VPS13C: variants seen among roughly 807,000 people sequenced by gnomAD.
VPS13C encodes vacuolar protein sorting 13 homolog C, also known as intermembrane lipid transfer protein VPS13C.
In VPS13C, 358 loss-of-function variants were observed where a neutral mutation model predicts 456.8. That is an observed-to-expected ratio of 0.78 (90% CI 0.72 to 0.86). The LOEUF is 0.86. Among genes scored for constraint, VPS13C ranks in the 40% least tolerant of loss-of-function variants. The pLI is 0.00. For synonymous variants in VPS13C, 1,578 were observed against 1,486.7 expected (o/e 1.06, Z -1.41); for missense variants, 4,818 against 4,385.4 (o/e 1.10, Z -2.79).
At chr15:62,056,157 G>A (rs1381305121) in intron 1 of VPS13C, among the ~76,000 whole-genome samples, 1 of 152,126 alleles carries the variant, frequency 6.6e-6, no homozygotes, top group Non-Finnish European at 1.5e-5. Context: ...TGAGGTGGGC[G>A]GCAAGCCACC....
At chr15:61,866,701 C>T (rs561080740) in intron 81 of VPS13C, 5 of 985,136 alleles carry the variant, frequency 5.1e-6, no homozygotes, top group Non-Finnish European at 4.8e-6. Flanking sequence ...ATACTTGGTC[C>T]CTTAAGGACA....
intron 65 of VPS13C, among the ~76,000 whole-genome samples, 154 bp from the exon 66 acceptor site, chr15:61,907,544 T>G (rs1432254795): frequency 6.6e-6 from 1 of 152,148 alleles, no homozygotes; most frequent in Non-Finnish European, 1.5e-5. Context: ...CCCTAAAATA[T>G]CTAATAAACT....
chr15:61,917,739 C>A (rs2043519253), intron 59 of VPS13C, 104 bp from the exon 60 acceptor site: 15 of 1,283,356 alleles, frequency 1.2e-5, no homozygotes, highest in Non-Finnish European at 1.6e-5. Flanking sequence ...TGCTATTATT[C>A]CTGTTTTTAC....
chr15:61,948,382 T>C (rs975406784), intron 42 of VPS13C, among the ~76,000 whole-genome samples: 8 of 151,974 alleles, frequency 5.3e-5, no homozygotes, highest in African/African-American at 1.9e-4. Context: ...TGTTCCATGG[T>C]TTAAAAAAAT....
At chr15:61,972,101 C>T (rs1442980928) in intron 27 of VPS13C, among the ~76,000 whole-genome samples, 1 of 152,254 alleles carries the variant, frequency 6.6e-6, no homozygotes, top group East Asian at 1.9e-4. Context: ...AATATAACTT[C>T]ATATGGAATC....
chr15:62,015,718 T>A (rs576045595), intron 9 of VPS13C, among the ~76,000 whole-genome samples: 1,287 of 125,304 alleles, frequency 0.01, 28 homozygotes, highest in African/African-American at 0.038. Context: ...TAGGTGGGAA[T>A]TGAACAATGA....
chr15:61,922,092 T>A, intron 54 of VPS13C, 59 bp from the exon 55 acceptor site: 1 of 1,535,774 alleles, frequency 6.5e-7, no homozygotes, highest in Non-Finnish European at 9.0e-7. Context: ...CATATTTCTG[T>A]AACCAATAGG....
chr15:61,885,593 G>A (rs1182697587), intron 67 of VPS13C, among the ~76,000 whole-genome samples: 1 of 152,116 alleles, frequency 6.6e-6, no homozygotes, highest in East Asian at 1.9e-4. Flanking sequence ...AATTAATGAA[G>A]TTAACTATTT....
At chr15:61,868,407 G>A (rs1894746694) in intron 81 of VPS13C, among the ~76,000 whole-genome samples, 1 of 151,958 alleles carries the variant, frequency 6.6e-6, no homozygotes, top group East Asian at 1.9e-4. Flanking sequence ...CAGAAATAGT[G>A]ATATAGCCTA....
intron 3 of VPS13C, among the ~76,000 whole-genome samples, chr15:62,037,223 A>T (rs1397381195): frequency 1.2e-5 from 1 of 81,454 alleles, no homozygotes; most frequent in Non-Finnish European, 2.2e-5. Flanking sequence ...ATATTATATA[A>T]TATATTATAT....
chr15:61,877,001 C>A lies in VPS13C; in HGVS notation c.10196G>T (p.Trp3399Leu). 1 of 1,609,358 alleles carries A rather than the reference C, an allele frequency of 6.2e-7. No homozygotes were observed. The highest frequency in any genetic ancestry group is 8.5e-7 in the Non-Finnish European group (1 of 1,177,422). Residue 3399 changes from tryptophan (W) to leucine (L), a missense_variant, in exon 75 of 85, where the codon TGG (tryptophan) becomes TTG (leucine). Physicochemically the swap from Trp to Leu is moderately conservative, Grantham distance 61. Around this residue, in one of 3 missense-constraint regions of VPS13C, gnomAD observed 4,552 missense variants for 4,130.6 expected, o/e 1.10. Transcript: ENST00000644861. ...YQFYKRDQLI[W>L]SVVRHYSEQF... The stretch of plus-strand genomic sequence containing the variant: ...TTCACTGTAATGCCTAACAACACTC[C>A]ATATAAGCTGATCTCTCTTGTAGAA...
chr15:61,944,605 T>G (rs7177173), intron 45 of VPS13C, among the ~76,000 whole-genome samples: 1 of 151,846 alleles, frequency 6.6e-6, no homozygotes, highest in African/African-American at 2.4e-5. Flanking sequence ...GGATGTAACA[T>G]TGGGAAAAAA....
intron 81 of VPS13C, chr15:61,866,174 C>T (rs1255975499): frequency 1.0e-6 from 1 of 984,810 alleles, no homozygotes; most frequent in African/African-American, 1.7e-5. Context: ...TTTCAATTAT[C>T]CATGCCCACA....
In VPS13C at chr15:61,907,196, G is replaced by A. The variant is rs781605967; in HGVS notation, c.9105+68C>T. The A allele has an allele frequency of 3.7e-6, 6 of 1,606,272 alleles. No homozygotes were observed. The Middle Eastern group carries it at 5.0e-4, about 133-fold the overall frequency. ...AGTTCAATTAGGACAAGGAGTCAGT[G>A]AAGATAGCTTCTCTACTTCCTTCAC... On this transcript the variant is annotated intron_variant, in intron 66 of 84. Transcript: ENST00000644861.
intron 16 of VPS13C, among the ~76,000 whole-genome samples, chr15:61,992,664 T>G (rs2046259833): frequency 6.6e-6 from 1 of 151,944 alleles, no homozygotes; most frequent in Non-Finnish European, 1.5e-5. Flanking sequence ...TAGGGATGAG[T>G]ATATACATTT....
Position 61,991,025 on chromosome 15 carries a change from G to A in VPS13C, c.1553C>T (p.Thr518Ile). 1 of 1,612,434 alleles carries A rather than the reference G, an allele frequency of 6.2e-7. No individual in the cohort carries two copies. Among genetic ancestry groups the A allele is most frequent in the Non-Finnish European group, 8.5e-7 (1 of 1,179,352 alleles). Residue 518 changes from threonine (T) to isoleucine (I), a missense_variant, in exon 18 of 85, where the codon ACC becomes ATC. Coordinates refer to ENST00000644861, the MANE Select transcript of VPS13C (RefSeq NM_020821.3). ...LFTAIGYSES[T>I]HNLTLPKQYV... ...CTGCTTAGGTAAAGTTAGGTTGTGG[G>A]TACTCTCACTATAACCAATGGCAGT... is the stretch of plus-strand genomic sequence containing the variant.
chr15:62,045,678 A>G (rs564196876), intron 1 of VPS13C, among the ~76,000 whole-genome samples: 1 of 152,262 alleles, frequency 6.6e-6, no homozygotes, highest in South Asian at 2.1e-4. Context: ...TCATTACTCA[A>G]CTGTCCTAAG....
intron 1 of VPS13C, among the ~76,000 whole-genome samples, chr15:62,059,927 G>A (rs2048938193): frequency 6.6e-6 from 1 of 152,226 alleles, no homozygotes; most frequent in South Asian, 2.1e-4. Context: ...GAAACAGAAA[G>A]GGCTCTGTTT....
chr15:61,995,602 G>A (rs553707533), intron 16 of VPS13C, among the ~76,000 whole-genome samples: 11 of 152,188 alleles, frequency 7.2e-5, no homozygotes, highest in Admixed American at 2.0e-4. Context: ...TCTATGTTGG[G>A]AAGCCCATTA....
Sources: gnomAD v4.1 joint callset for allele counts (sites outside exome capture counted in the v4.1 genomes callset) on GRCh38, gnomAD v4.1.1 for gene constraint, gnomAD v4.1.1 regional missense constraint, MANE v1.5 for transcripts, NCBI Gene and HGNC (gene_info 2026-07-23, HGNC 2026-07-21) for gene names.